Variants in GALNT18 observed in about 807,000 individuals in gnomAD.
GALNT18 encodes the protein GalNAc-transferase 18.
GALNT18 carries 44 observed loss-of-function variants against 69.5 expected under a neutral mutation model. The observed-to-expected ratio is 0.63, with a 90% CI of 0.50 to 0.81. The LOEUF is 0.81. Among genes scored for constraint, GALNT18 ranks in the 40% least tolerant of loss-of-function variants. GALNT18 has a pLI of 0.00. For synonymous variants in GALNT18, 364 were observed against 318.2 expected, an observed-to-expected ratio of 1.14 and a Z score of -1.53; for missense variants, 715 against 810.0, an observed-to-expected ratio of 0.88 and a Z score of 1.42.
rs1859106859 is a variant in GALNT18, at chr11:11,582,352, C to A, written c.235+39007G>T. ...TTGTTCCCAATCATTCACTGCCCCT[C>A]CCTATAAGAGGGCTATGCATGCCTG... On this transcript the variant is annotated intron_variant, in intron 1 of 10. Transcript: ENST00000227756. This position sits in a 1 kb window ranked among gnomAD's most constrained non-coding sequence, Gnocchi z 5.0. 6.6e-6 allele frequency among the ~76,000 whole-genome samples: 1 copy of A among 152,224 alleles called. No homozygotes were observed. The highest frequency in any genetic ancestry group is 1.5e-5 in the Non-Finnish European group (1 of 68,046).
rs2133765298 is a variant in GALNT18 at position 11,415,946 on chromosome 11, G to T, written c.595+16675C>A. Among the ~76,000 whole-genome samples the T allele has an allele frequency of 6.6e-6, 1 of 152,348 alleles. No individual in the cohort carries two copies. Among genetic ancestry groups the T allele is most frequent in the East Asian group, 1.9e-4 (1 of 5,188 alleles). The stretch of plus-strand genomic sequence containing the variant: ...GAACTCACTCCAGAAAGATTAAACA[G>T]CAACCTTGAATGTTCTTTTCGGAGA... On this transcript the variant is annotated intron_variant, in intron 3 of 10. Coordinates refer to ENST00000227756, the MANE Select transcript of GALNT18 (RefSeq NM_198516.3). This position sits in a 1 kb window ranked among gnomAD's most constrained non-coding sequence, Gnocchi z 4.1.
intron 9 of GALNT18, among the ~76,000 whole-genome samples, chr11:11,301,655 C>A (rs1849496853): frequency 6.6e-6 from 1 of 152,198 alleles, no homozygotes; most frequent in Non-Finnish European, 1.5e-5. Context: ...AGGCTGAGCA[C>A]AGGCACACGA....
intron 9 of GALNT18, among the ~76,000 whole-genome samples, chr11:11,307,032 T>A (rs1287017404): frequency 6.6e-6 from 1 of 152,160 alleles, no homozygotes; most frequent in African/African-American, 2.4e-5. Context: ...AGCCTCTCAC[T>A]CCAGCCGACT....
chr11:11,504,981 G>C (rs1188638416), intron 1 of GALNT18, among the ~76,000 whole-genome samples: 2 of 152,146 alleles, frequency 1.3e-5, no homozygotes, highest in Non-Finnish European at 2.9e-5. Context: ...CCCAGCTAAA[G>C]GAAGCTACAA....
intron 9 of GALNT18, among the ~76,000 whole-genome samples, chr11:11,301,076 C>T (rs909600540): frequency 5.3e-5 from 8 of 152,102 alleles, no homozygotes; most frequent in African/African-American, 1.9e-4. Flanking sequence ...ACGAGGGTAT[C>T]CATAGGAGGG....
chr11:11,528,348 G>T (rs1857565152), intron 1 of GALNT18, among the ~76,000 whole-genome samples: 3 of 152,206 alleles, frequency 2.0e-5, no homozygotes. Context: ...AATGCGGTGT[G>T]GAAGAGTTTG....
chr11:11,289,622 G>A (rs1849261813), intron 10 of GALNT18, among the ~76,000 whole-genome samples: 1 of 152,216 alleles, frequency 6.6e-6, no homozygotes, highest in Non-Finnish European at 1.5e-5. Context: ...AAGATGGGAG[G>A]AGTGGGGAGC....
intron 3 of GALNT18, among the ~76,000 whole-genome samples, chr11:11,422,044 C>CATCTATATCTATATCTAT (rs200766581): frequency 5.3e-5 from 8 of 151,886 alleles, no homozygotes; most frequent in African/African-American, 1.9e-4. Flanking sequence ...ATATCTATAT[C>CATCTATATCTATATCTAT]ATCTATATCT....
chr11:11,442,621 A>G (rs1305164006), intron 2 of GALNT18, among the ~76,000 whole-genome samples: 1 of 152,128 alleles, frequency 6.6e-6, no homozygotes, highest in East Asian at 1.9e-4. Flanking sequence ...TTCCTCTGCT[A>G]CTATCCTGTC....
chr11:11,599,660 T>C (rs1372163874), intron 1 of GALNT18, among the ~76,000 whole-genome samples: 1 of 151,380 alleles, frequency 6.6e-6, no homozygotes, highest in African/African-American at 2.4e-5. Context: ...CTATATCTCA[T>C]ATATTTTTTG....
rs951592204 is a variant in GALNT18 at position 11,605,525 on chromosome 11, GT to G, written c.235+15833del. Among the ~76,000 whole-genome samples the G allele has an allele frequency of 2.6e-5, 4 of 152,148 alleles. No individual in the cohort carries two copies. Among genetic ancestry groups the G allele is most frequent in the African/African-American group, 9.7e-5 (4 of 41,436 alleles). ...CCTCGGGGTGAACAGGAGGCCCTCT[GT>G]TTCTGCTTCAGAGGGAAAGCCAGAG... On this transcript the variant is annotated intron_variant, in intron 1 of 10. Transcript: ENST00000227756. The surrounding 1 kb of genome is among the most constrained non-coding windows in gnomAD (Gnocchi z 4.7).
intron 1 of GALNT18, among the ~76,000 whole-genome samples, chr11:11,581,368 C>A (rs1859079508): frequency 6.6e-6 from 1 of 152,204 alleles, no homozygotes; most frequent in African/African-American, 2.4e-5. Context: ...GAGCCAGGTG[C>A]TGGTCATGTG....
chr11:11,499,497 G>A (rs1251223657), intron 1 of GALNT18, among the ~76,000 whole-genome samples: 1 of 148,880 alleles, frequency 6.7e-6, no homozygotes, highest in Non-Finnish European at 1.5e-5. Context: ...ATCAGCATTT[G>A]CCCTCTAGAG....
At chr11:11,611,020 T>G (rs1859886524) in intron 1 of GALNT18, among the ~76,000 whole-genome samples, 1 of 152,192 alleles carries the variant, frequency 6.6e-6, no homozygotes, top group Admixed American at 6.5e-5. Context: ...AAGGCACAGC[T>G]AAATAAATCT....
intron 1 of GALNT18, among the ~76,000 whole-genome samples, chr11:11,530,320 A>G (rs1857618443): frequency 6.6e-6 from 1 of 152,202 alleles, no homozygotes; most frequent in Admixed American, 6.5e-5. Context: ...ACAGGAAGGC[A>G]GTCCTCTTCC....
At chr11:11,365,431 A>G (rs1327209481) in intron 6 of GALNT18, among the ~76,000 whole-genome samples, 1 of 152,094 alleles carries the variant, frequency 6.6e-6, no homozygotes, top group Non-Finnish European at 1.5e-5. Context: ...TGTCTTTGTT[A>G]TTGTAAATAG....
intron 3 of GALNT18, among the ~76,000 whole-genome samples, chr11:11,393,804 A>T (rs1388567798): frequency 6.6e-6 from 1 of 152,242 alleles, no homozygotes; most frequent in Non-Finnish European, 1.5e-5. Context: ...CTATTTCAGG[A>T]ACATACATCG....
intron 1 of GALNT18, among the ~76,000 whole-genome samples, chr11:11,516,971 G>T (rs1225839795): frequency 6.6e-6 from 1 of 152,230 alleles, no homozygotes; most frequent in Non-Finnish European, 1.5e-5. Context: ...GAGGTGGGGG[G>T]TGATTAGGTT....
At chr11:11,517,900 T>G (rs1319333073) in intron 1 of GALNT18, among the ~76,000 whole-genome samples, 1 of 152,204 alleles carries the variant, frequency 6.6e-6, no homozygotes, top group African/African-American at 2.4e-5. Context: ...ATCTGCAATT[T>G]CCCATTATTA....
Sources: gnomAD v4.1 joint callset for allele counts (sites outside exome capture counted in the v4.1 genomes callset) on GRCh38, gnomAD v4.1.1 for gene constraint, Gnocchi (gnomAD v3.1) non-coding constraint, MANE v1.5 for transcripts, NCBI Gene and HGNC (gene_info 2026-07-23, HGNC 2026-07-21) for gene names.